The following FBXO38 variants were observed in gnomAD, a reference collection of about 807,000 sequenced individuals.
The protein encoded by FBXO38 is F-box protein 38.
FBXO38 carries 53 observed loss-of-function variants against 131.9 expected under a neutral mutation model. The ratio of observed to expected loss-of-function variants is 0.40; its 90% CI spans 0.32 to 0.51. The LOEUF (loss-of-function observed/expected upper bound fraction) is 0.51, where lower values mean the gene tolerates loss of function less well. Among genes scored for constraint, FBXO38 ranks in the 20% least tolerant of loss-of-function variants. The probability of loss-of-function intolerance (pLI) is 0.53; values close to 1 mark genes in which losing one functional copy is unlikely to be tolerated. For synonymous variants in FBXO38, 452 were observed against 505.6 expected (o/e 0.89, Z 1.42); for missense variants, 1,076 against 1,475.6 (o/e 0.73, Z 4.44).
chr5:148,427,209 G>A lies in FBXO38; in HGVS notation c.1919-4G>A. 1 of 1,568,106 alleles carries A rather than the reference G, an allele frequency of 6.4e-7. No homozygotes were observed. The highest frequency in any genetic ancestry group is 8.6e-7 in the Non-Finnish European group (1 of 1,157,696). On this transcript the variant is annotated splice_region_variant and splice_polypyrimidine_tract_variant and intron_variant, in intron 14 of 21. Coordinates refer to ENST00000340253, the MANE Select transcript of FBXO38 (RefSeq NM_205836.3). Reference sequence around the variant, plus strand: ...TCGGGCCGTTCTTCTTTTTCTATAAGCAGTAAGTGGAAAAGGCAAGACTCC... The same window carrying A: ...TCGGGCCGTTCTTCTTTTTCTATAAACAGTAAGTGGAAAAGGCAAGACTCC...
intron 18 of FBXO38, among the ~76,000 whole-genome samples, chr5:148,439,307 C>A (rs973439868): frequency 6.6e-6 from 1 of 152,210 alleles, no homozygotes; most frequent in Non-Finnish European, 1.5e-5. Flanking sequence ...TGTTACTACA[C>A]ATTCACAGTT....
rs1753806884 is a variant in FBXO38 at position 148,427,768 on chromosome 5, C to G, written c.2474C>G (p.Ser825Cys). 1.2e-6 allele frequency: 2 copies of G among 1,611,868 alleles called. No individual in the cohort carries two copies. Among genetic ancestry groups the G allele is most frequent in the Non-Finnish European group, 8.5e-7 (1 of 1,178,824 alleles). Residue 825 changes from serine (S) to cysteine (C), a missense_variant, in exon 15 of 22, where the codon TCT becomes TGT. This residue lies in a region of FBXO38 where 213 missense variants were observed against 225.2 expected (regional missense o/e 0.95). Transcript: ENST00000340253. ...FSFRTLPQGG[S>C]SGPAHDERTN... ...TTTAGGACTCTGCCACAAGGGGGGT[C>G]TTCAGGCCCAGCACATGATGAGAGG... is the stretch of plus-strand genomic sequence containing the variant.
chr5:148,390,070 G>A (rs1758122340), intron 1 of FBXO38: 1 of 151,584 alleles, frequency 6.6e-6, no homozygotes, highest in East Asian at 1.9e-4. Flanking sequence ...ACTTACTTGG[G>A]ACTTGTGGTG....
rs374378224 is a variant in FBXO38, at chr5:148,427,790, G to A, written c.2496G>A (p.Glu832=). 7 of 1,610,480 alleles carry A rather than the reference G, an allele frequency of 4.3e-6. No homozygotes were observed. The African/African-American group carries it at 9.3e-5, about 22-fold the overall frequency. The part of the protein sequence containing the change: ...QGGSSGPAHD[E]RTNGSGSGAT... ...GGTCTTCAGGCCCAGCACATGATGA[G>A]AGGACTAATGGGAGTGGCTCTGGGG... The change falls in exon 15 of 22, where the codon GAG becomes GAA. Residue 832 remains glutamate (E), a synonymous_variant. Transcript: ENST00000340253.
chr5:148,409,719 C>T (rs1752640811), intron 8 of FBXO38, among the ~76,000 whole-genome samples: 1 of 152,216 alleles, frequency 6.6e-6, no homozygotes, highest in Non-Finnish European at 1.5e-5. Context: ...CTATTTCTTA[C>T]ATATCAATGG....
Position 148,402,006 on chromosome 5 carries a change from C to T in FBXO38, c.287C>T (p.Thr96Ile). 1 of 1,610,452 alleles carries T rather than the reference C, an allele frequency of 6.2e-7. No individual in the cohort carries two copies. The highest frequency in any genetic ancestry group is 8.5e-7 in the Non-Finnish European group (1 of 1,177,290). ...GGCTTTACAGATGCCAGTTTTCTAA[C>T]ACTATTAAAGAAGATGCCAGATGTT... The part of the protein sequence containing the change: ...PSGFTDASFL[T>I]LLKKMPDVEQ... The change falls in exon 4 of 22, where the codon ACA (threonine) becomes ATA (isoleucine). Residue 96 changes from threonine (T) to isoleucine (I), a missense_variant. Thr to Ile is a moderately conservative substitution (Grantham distance 89). Coordinates refer to ENST00000340253, the MANE Select transcript of FBXO38 (RefSeq NM_205836.3).
chr5:148,417,628 G>A (rs956205627), intron 12 of FBXO38, among the ~76,000 whole-genome samples: 1 of 152,114 alleles, frequency 6.6e-6, no homozygotes, highest in Non-Finnish European at 1.5e-5. Flanking sequence ...CACCTTTCAT[G>A]TACCTTTAAT....
At chr5:148,404,156 A>G (rs545157697) in intron 5 of FBXO38, among the ~76,000 whole-genome samples, 1 of 152,286 alleles carries the variant, frequency 6.6e-6, no homozygotes, top group Non-Finnish European at 1.5e-5. Context: ...TAAGATTCAT[A>G]TATTTATAGA....
Position 148,438,317 on chromosome 5 carries a change from G to A in FBXO38, c.2858-15G>A, listed in dbSNP as rs1754467862. ...GATGATATGTACGGAGCTTACCATT[G>A]TTTTCATTTTGTAGCTACCAGGTGC... On this transcript the variant is annotated splice_polypyrimidine_tract_variant and intron_variant, in intron 17 of 21. Coordinates refer to ENST00000340253, the MANE Select transcript of FBXO38 (RefSeq NM_205836.3). 6.2e-7 allele frequency: 1 copy of A among 1,612,930 alleles called. No homozygotes were observed. Among genetic ancestry groups the A allele is most frequent in the Non-Finnish European group, 8.5e-7 (1 of 1,179,348 alleles).
At chr5:148,387,690 CTTTTTT>C (rs142417126) in intron 1 of FBXO38, among the ~76,000 whole-genome samples, 2 of 126,684 alleles carry the variant, frequency 1.6e-5, no homozygotes, top group East Asian at 2.4e-4. Context: ...GAATTTATTT[CTTTTTT>C]TTTTTTTTTT....
In FBXO38 at chr5:148,417,119, C is replaced by T. The variant is rs768289009; in HGVS notation, c.1533C>T (p.Asn511=). The part of the protein sequence containing the change: ...AQNNNANIHD[N]NHHHPDDSDE... Reference sequence around the variant, plus strand: ...ATAACAATGCCAACATCCACGACAACAATCACCATCATCCAGATGACTCAG... The same window carrying T: ...ATAACAATGCCAACATCCACGACAATAATCACCATCATCCAGATGACTCAG... The change falls in exon 12 of 22, where the codon AAC becomes AAT. Residue 511 remains asparagine (N), a synonymous_variant. Transcript: ENST00000340253. 7 of 1,613,536 alleles carry T rather than the reference C, an allele frequency of 4.3e-6. No homozygotes were observed. The East Asian group carries it at 1.3e-4, about 31-fold the overall frequency.
intron 1 of FBXO38, among the ~76,000 whole-genome samples, chr5:148,384,404 G>T (rs796897968): frequency 7.2e-5 from 11 of 152,246 alleles, no homozygotes; most frequent in African/African-American, 2.6e-4. Context: ...ATGTTAAGTC[G>T]GTGTTTCGGC....
At position 148,401,919 on chromosome 5, in the gene FBXO38, T is replaced by C. The variant is rs574222713; in HGVS notation, c.263-63T>C. The C allele has an allele frequency of 9.0e-6, 13 of 1,449,772 alleles. No individual in the cohort carries two copies. The African/African-American group carries it at 1.1e-4, about 13-fold the overall frequency. The allele number at this position is 1,449,772 out of a possible 1,614,324, so 89.8% of individuals were successfully genotyped here. A position where few individuals can be genotyped will look rare whatever the true frequency, so the allele number is the denominator to read the frequency against. On this transcript the variant is annotated intron_variant, in intron 3 of 21. Transcript: ENST00000340253. ...TTTAACTTTTGGTAAAAATCACGAG[T>C]GCCTAGTAAATGTTAATGAACAGAA... is the stretch of plus-strand genomic sequence containing the variant.
At position 148,425,717 on chromosome 5, in the gene FBXO38, T is replaced by A. The variant is rs1223488374; in HGVS notation, c.1918+16T>A. On this transcript the variant is annotated intron_variant, in intron 14 of 21. Coordinates refer to ENST00000340253, the MANE Select transcript of FBXO38 (RefSeq NM_205836.3). ...GAATTGTCAGGTGAGAAATTGTCTT[T>A]CTCTGAACTATTAATGAGAGTCACT... The A allele has an allele frequency of 2.5e-6, 4 of 1,608,486 alleles. No homozygotes were observed. Among genetic ancestry groups the A allele is most frequent in the East Asian group, 2.2e-5 (1 of 44,794 alleles).
chr5:148,398,382 CAT>C (rs1751932194), intron 2 of FBXO38, among the ~76,000 whole-genome samples: 1 of 150,124 alleles, frequency 6.7e-6, no homozygotes, highest in Non-Finnish European at 1.5e-5. Context: ...TTGTAATTCA[CAT>C]GAGGTGTCTT....
intron 1 of FBXO38, among the ~76,000 whole-genome samples, chr5:148,393,232 T>TGTGTGTGTGTGA: frequency 6.8e-6 from 1 of 147,926 alleles, no homozygotes; most frequent in African/African-American, 2.5e-5. Flanking sequence ...TGTGTGTGTG[T>TGTGTGTGTGTGA]GTGATGAGAG....
intron 1 of FBXO38, among the ~76,000 whole-genome samples, chr5:148,391,353 C>G (rs981765944): frequency 6.6e-6 from 1 of 152,180 alleles, no homozygotes; most frequent in African/African-American, 2.4e-5. Flanking sequence ...TTAGCAGAAA[C>G]ATGACTAATA....
chr5:148,439,885 G>A, intron 19 of FBXO38, 93 bp downstream of exon 19: 1 of 1,277,818 alleles, frequency 7.8e-7, no homozygotes, highest in African/African-American at 1.5e-5. Context: ...TATTTTAAAT[G>A]ATTCCATCTA....
At chr5:148,401,523 G>C (rs1226448683) in intron 3 of FBXO38, among the ~76,000 whole-genome samples, 2 of 152,284 alleles carry the variant, frequency 1.3e-5, no homozygotes, top group Middle Eastern at 6.8e-3. Flanking sequence ...TCAGAACTGT[G>C]AGCTTCCTAA....
Sources: allele counts gnomAD v4.1 joint callset (sites outside exome capture counted in the v4.1 genomes callset), GRCh38; gene constraint gnomAD v4.1.1; regional missense constraint gnomAD v4.1.1; transcripts MANE v1.5; gene names NCBI Gene and HGNC (gene_info 2026-07-23, HGNC 2026-07-21).